Variants in KCNQ5 observed in about 807,000 individuals in gnomAD.
KCNQ5 encodes the protein potassium voltage-gated channel subfamily KQT member 5.
Under a neutral mutation model 98.2 loss-of-function variants are expected in KCNQ5, and 30 were observed. That is an observed-to-expected ratio of 0.31 (90% CI 0.23 to 0.41). The LOEUF (loss-of-function observed/expected upper bound fraction) is 0.41, where lower values mean the gene tolerates loss of function less well. Among genes scored for constraint, KCNQ5 ranks in the 10% least tolerant of loss-of-function variants. The pLI, the probability that KCNQ5 is intolerant of heterozygous loss-of-function variation, is 1.00. For synonymous variants in KCNQ5, 458 were observed against 449.4 expected (o/e 1.02, Z -0.24); for missense variants, 835 against 1,182.5 (o/e 0.71, Z 4.31).
At chr6:73,049,703 A>C (rs1347843327) in intron 3 of KCNQ5, among the ~76,000 whole-genome samples, 1 of 152,216 alleles carries the variant, frequency 6.6e-6, no homozygotes, top group South Asian at 2.1e-4. Context: ...AGCATGTACT[A>C]GATGGTATCT....
intron 1 of KCNQ5, among the ~76,000 whole-genome samples, chr6:72,698,360 C>T (rs1257123775): frequency 3.9e-5 from 6 of 152,156 alleles, no homozygotes; most frequent in Non-Finnish European, 5.9e-5. Context: ...TGTGCCACCA[C>T]GCCTGGCTAA....
intron 11 of KCNQ5, among the ~76,000 whole-genome samples, chr6:73,188,711 G>A (rs975057421): frequency 1.3e-5 from 2 of 152,142 alleles, no homozygotes; most frequent in African/African-American, 4.8e-5. Flanking sequence ...TAGGCCGGGC[G>A]CGGTGGCTCA....
intron 1 of KCNQ5, among the ~76,000 whole-genome samples, chr6:72,858,558 A>G (rs945042206): frequency 1.3e-5 from 2 of 151,758 alleles, no homozygotes; most frequent in Non-Finnish European, 2.9e-5. Flanking sequence ...GATTTTTTTT[A>G]ACATTGTTGC....
intron 1 of KCNQ5, among the ~76,000 whole-genome samples, chr6:72,700,143 G>A (rs1768720273): frequency 6.6e-6 from 1 of 152,064 alleles, no homozygotes; most frequent in South Asian, 2.1e-4. Flanking sequence ...ATTATGTTTA[G>A]GCATTATTGT....
chr6:72,867,270 T>C (rs1778027862), intron 1 of KCNQ5, among the ~76,000 whole-genome samples: 1 of 152,254 alleles, frequency 6.6e-6, no homozygotes, highest in Admixed American at 6.5e-5. Context: ...AAAGTAATTG[T>C]AAGAAAATAC....
chr6:73,048,146 C>T (rs1490083736), intron 3 of KCNQ5, among the ~76,000 whole-genome samples: 1 of 152,172 alleles, frequency 6.6e-6, no homozygotes, highest in Non-Finnish European at 1.5e-5. Flanking sequence ...ATAATGTCAT[C>T]TACAGATAAG....
intron 1 of KCNQ5, among the ~76,000 whole-genome samples, chr6:72,688,924 T>G (rs1349441395): frequency 6.6e-6 from 1 of 152,182 alleles, no homozygotes; most frequent in Non-Finnish European, 1.5e-5. Context: ...TCAAGAAATA[T>G]TTCATGTCAA....
intron 12 of KCNQ5, among the ~76,000 whole-genome samples, chr6:73,191,259 C>T (rs1356823501): frequency 6.6e-6 from 1 of 152,010 alleles, no homozygotes; most frequent in African/African-American, 2.4e-5. Context: ...TGTGCTGGGC[C>T]AAAGTTGAGA....
chr6:72,714,481 A>G (rs1769540100), intron 1 of KCNQ5, among the ~76,000 whole-genome samples: 1 of 152,122 alleles, frequency 6.6e-6, no homozygotes, highest in Non-Finnish European at 1.5e-5. Context: ...AGCCTTTATA[A>G]CACATCCCAT....
At chr6:73,041,078 C>T (rs1009561017) in intron 2 of KCNQ5, among the ~76,000 whole-genome samples, 2 of 152,126 alleles carry the variant, frequency 1.3e-5, no homozygotes, top group African/African-American at 4.8e-5. Flanking sequence ...AAAGGAAAAA[C>T]AATTTTGATA....
chr6:72,841,124 C>G (rs1419157364), intron 1 of KCNQ5, among the ~76,000 whole-genome samples: 1 of 152,206 alleles, frequency 6.6e-6, no homozygotes, highest in African/African-American at 2.4e-5. Context: ...CAGTCACTGC[C>G]ATGACTGCAA....
intron 1 of KCNQ5, among the ~76,000 whole-genome samples, chr6:72,624,803 C>T (rs1484383028): frequency 2.0e-5 from 3 of 152,184 alleles, no homozygotes; most frequent in Non-Finnish European, 4.4e-5. Context: ...ATAGTATCAT[C>T]TTTTGGGAGG....
At chr6:72,742,714 T>C (rs1771193769) in intron 1 of KCNQ5, among the ~76,000 whole-genome samples, 1 of 152,200 alleles carries the variant, frequency 6.6e-6, no homozygotes, top group Non-Finnish European at 1.5e-5. Context: ...GTAAGATGAG[T>C]TTGGATACTG....
chr6:72,658,578 A>ATATATATATATATTT (rs1226386362), intron 1 of KCNQ5, among the ~76,000 whole-genome samples: 7 of 76,380 alleles, frequency 9.2e-5, no homozygotes, highest in South Asian at 4.5e-4. Context: ...ATATATATAT[A>ATATATATATATATTT]TTTTTTTTTT....
intron 1 of KCNQ5, among the ~76,000 whole-genome samples, chr6:72,933,346 A>G (rs1473832483): frequency 2.0e-5 from 3 of 152,176 alleles, no homozygotes; most frequent in South Asian, 4.1e-4. Context: ...ATTAGTTTCT[A>G]TCATCTGTTG....
intron 5 of KCNQ5, among the ~76,000 whole-genome samples, chr6:73,082,752 A>G (rs1248462628): frequency 1.3e-5 from 2 of 152,194 alleles, no homozygotes; most frequent in African/African-American, 4.8e-5. Flanking sequence ...CTGACTGGCC[A>G]GATTAACCAA....
At chr6:72,634,693 G>A (rs2098922962) in intron 1 of KCNQ5, among the ~76,000 whole-genome samples, 1 of 152,044 alleles carries the variant, frequency 6.6e-6, no homozygotes, top group Non-Finnish European at 1.5e-5. Context: ...AGCCTCCCGA[G>A]TAGCTGGGAT....
chr6:73,161,583 CA>C (rs1415987103), intron 10 of KCNQ5, among the ~76,000 whole-genome samples: 1 of 151,762 alleles, frequency 6.6e-6, no homozygotes, highest in Admixed American at 6.6e-5. Flanking sequence ...ACATGTACTC[CA>C]AAAAAATGTA....
At position 72,726,434 on chromosome 6, in the gene KCNQ5, C is replaced by T. The variant is rs993683903; in HGVS notation, c.398+103847C>T. ...TTCACTGTGTTAGCCAGGATGGCCT[C>T]GATCTCCTGACCTCGTGATCCGCCC... On this transcript the variant is annotated intron_variant, in intron 1 of 13. Transcript: ENST00000370398. 2.6e-5 allele frequency among the ~76,000 whole-genome samples: 4 copies of T among 151,930 alleles called. No homozygotes were observed. In the East Asian group the frequency reaches 5.8e-4, roughly 22 times the overall value.
Sources: allele counts gnomAD v4.1 joint callset (sites outside exome capture counted in the v4.1 genomes callset), GRCh38; gene constraint gnomAD v4.1.1; transcripts MANE v1.5; gene names NCBI Gene and HGNC (gene_info 2026-07-23, HGNC 2026-07-21).